MAF: variants seen among roughly 807,000 people sequenced by gnomAD.
MAF encodes the protein MAF bZIP transcription factor.
MAF carries 10 observed loss-of-function variants against 22.0 expected under a neutral mutation model. The ratio of observed to expected loss-of-function variants is 0.45; its 90% confidence interval spans 0.28 to 0.77. MAF has a LOEUF of 0.77. Among genes scored for constraint, MAF ranks in the 30% least tolerant of loss-of-function variants. MAF has a pLI of 0.12. For missense variants in MAF, 544 were observed against 548.4 expected (o/e 0.99, Z 0.08); for synonymous variants, 337 against 255.8 (o/e 1.32, Z -3.03).
chr16:79,269,009 T>G, the MAF span, among the ~76,000 whole-genome samples: 1 of 152,138 alleles, frequency 6.6e-6, no homozygotes, highest in Non-Finnish European at 1.5e-5. Context: ...TCATAGTAGG[T>G]GTTTTGATAT....
At chr16:79,285,298 A>G in the MAF span, among the ~76,000 whole-genome samples, 1 of 152,312 alleles carries the variant, frequency 6.6e-6, no homozygotes, top group East Asian at 1.9e-4. Context: ...TCTTTAAGCC[A>G]TAATATATAC....
the MAF span, among the ~76,000 whole-genome samples, chr16:79,220,813 T>C: frequency 6.6e-6 from 1 of 152,228 alleles, no homozygotes; most frequent in Admixed American, 6.5e-5. Flanking sequence ...TGGTTTTCTT[T>C]GAGAAGAGTA....
rs932174019 is a variant in MAF at position 79,596,015 on chromosome 16, G to A, written c.1119-1462C>T. The stretch of plus-strand genomic sequence containing the variant: ...CTAACAAGAAAATCTCGGTGTGTAA[G>A]AGAAGAAGGAAAAATAGTCAACTTT... On this transcript the variant is annotated intron_variant, in intron 1 of 1. Transcript: ENST00000326043. The A allele has an allele frequency of 3.8e-6, 4 of 1,060,560 alleles. No individual in the cohort carries two copies. In the African/African-American group the frequency reaches 4.9e-5, roughly 13 times the overall value. The allele number at this position is 1,060,560 out of a possible 1,614,324, so 65.7% of individuals were successfully genotyped here.
chr16:79,457,252 G>T, the MAF span, among the ~76,000 whole-genome samples: 1 of 152,116 alleles, frequency 6.6e-6, no homozygotes, highest in Non-Finnish European at 1.5e-5. Flanking sequence ...GGTTGACATG[G>T]CTGCCCTCCT....
the MAF span, among the ~76,000 whole-genome samples, chr16:79,373,667 C>A: frequency 2.6e-5 from 4 of 151,992 alleles, no homozygotes; most frequent in African/African-American, 4.8e-5. Context: ...TGTGAGCCAC[C>A]GCATCCAGCC....
At chr16:79,543,670 CTTTT>C in the MAF span, among the ~76,000 whole-genome samples, 2 of 144,320 alleles carry the variant, frequency 1.4e-5, no homozygotes, top group African/African-American at 5.5e-5. Context: ...GCCCTCTTTT[CTTTT>C]TCTTTTTTTT....
chr16:79,276,247 AT>A, the MAF span, among the ~76,000 whole-genome samples: 1 of 152,144 alleles, frequency 6.6e-6, no homozygotes, highest in Non-Finnish European at 1.5e-5. Flanking sequence ...AACAGTGTGC[AT>A]TTTGAGGCTT....
chr16:79,283,193 G>A, the MAF span, among the ~76,000 whole-genome samples: 2 of 152,174 alleles, frequency 1.3e-5, no homozygotes, highest in South Asian at 4.2e-4. Flanking sequence ...TGAATGGATG[G>A]ATGGATGAAT....
At chr16:79,586,105 C>A (rs1377481390) in intron 1 of MAF, among the ~76,000 whole-genome samples, 1 of 152,110 alleles carries the variant, frequency 6.6e-6, no homozygotes. Flanking sequence ...TGGCCTCAAC[C>A]CTGTCAAGCC....
At chr16:79,273,297 A>C in the MAF span, among the ~76,000 whole-genome samples, 1 of 152,204 alleles carries the variant, frequency 6.6e-6, no homozygotes, top group Non-Finnish European at 1.5e-5. Context: ...CAGACAGTGC[A>C]GGGAAAGAGA....
At chr16:79,484,348 G>T in the MAF span, among the ~76,000 whole-genome samples, 15 of 152,182 alleles carry the variant, frequency 9.9e-5, no homozygotes, top group Admixed American at 9.8e-4. Flanking sequence ...TCCCCACCCA[G>T]GAACCAGAGG....
At chr16:79,231,871 G>A in the MAF span, among the ~76,000 whole-genome samples, 1 of 151,996 alleles carries the variant, frequency 6.6e-6, no homozygotes, top group Admixed American at 6.6e-5. Context: ...AGAATCTGTG[G>A]AAGCCCTGAG....
the MAF span, among the ~76,000 whole-genome samples, chr16:79,296,756 T>G: frequency 6.6e-6 from 1 of 152,052 alleles, no homozygotes; most frequent in South Asian, 2.1e-4. Context: ...CCCAGCAACC[T>G]TAGAGATGAA....
chr16:79,551,822 C>T, the MAF span, among the ~76,000 whole-genome samples: 165 of 152,224 alleles, frequency 1.1e-3, no homozygotes, highest in Admixed American at 7.1e-3. Context: ...GGCAGAGTAG[C>T]TGAGTAGCTT....
chr16:79,339,961 C>T, the MAF span, among the ~76,000 whole-genome samples: 1 of 152,182 alleles, frequency 6.6e-6, no homozygotes, highest in Non-Finnish European at 1.5e-5. Context: ...TTACCATCTA[C>T]TCACCGTCCT....
At chr16:79,324,045 G>C in the MAF span, among the ~76,000 whole-genome samples, 26 of 152,104 alleles carry the variant, frequency 1.7e-4, no homozygotes, top group African/African-American at 6.0e-4. Context: ...TCTTTGCTGT[G>C]GACCTTCCGT....
the MAF span, among the ~76,000 whole-genome samples, chr16:79,314,776 C>G: frequency 6.6e-6 from 1 of 152,126 alleles, no homozygotes; most frequent in Non-Finnish European, 1.5e-5. Flanking sequence ...GATGTTTTGC[C>G]AGTTCTACCC....
the MAF span, among the ~76,000 whole-genome samples, chr16:79,308,213 T>G: frequency 6.6e-6 from 1 of 152,234 alleles, no homozygotes; most frequent in Non-Finnish European, 1.5e-5. Flanking sequence ...GGGTCCACAT[T>G]GATCATTTAA....
chr16:79,311,448 A>C, the MAF span, among the ~76,000 whole-genome samples: 351 of 151,994 alleles, frequency 2.3e-3, 2 homozygotes, highest in African/African-American at 8.2e-3. Context: ...TTTACTGTGC[A>C]AATGGGCATC....
Sources: allele counts gnomAD v4.1 joint callset (sites outside exome capture counted in the v4.1 genomes callset), GRCh38; gene constraint gnomAD v4.1.1; transcripts MANE v1.5; gene names NCBI Gene and HGNC (gene_info 2026-07-23, HGNC 2026-07-21).